The following PADI4 variants were observed in gnomAD, a reference collection of about 807,000 sequenced individuals.
The protein encoded by PADI4 is protein-arginine deiminase type-4.
PADI4 carries 62 observed loss-of-function variants against 75.0 expected under a neutral mutation model. The ratio of observed to expected loss-of-function variants is 0.83; its 90% CI spans 0.67 to 1.02. The LOEUF is 1.02. Ranked by LOEUF, PADI4 falls within the 50% of genes least tolerant of loss-of-function variation. The pLI is 0.00. For missense variants in PADI4, 845 were observed against 850.5 expected, an observed-to-expected ratio of 0.99 and a Z score of 0.08; for synonymous variants, 361 against 348.1, an observed-to-expected ratio of 1.04 and a Z score of -0.41.
At chr1:17,317,758 C>T (rs960009648) in intron 1 of PADI4, among the ~76,000 whole-genome samples, 13 of 152,106 alleles carry the variant, frequency 8.5e-5, no homozygotes, top group African/African-American at 2.4e-4. Flanking sequence ...CTGTGGCTTG[C>T]GCCTGTAATC....
chr1:17,327,598 G>C (rs899295573), intron 1 of PADI4, among the ~76,000 whole-genome samples: 5 of 151,322 alleles, frequency 3.3e-5, no homozygotes, highest in Non-Finnish European at 5.9e-5. Flanking sequence ...CTGGAGTACA[G>C]TGGCGTGATC....
chr1:17,340,078 A>C (rs933543551), intron 6 of PADI4, among the ~76,000 whole-genome samples: 17 of 148,836 alleles, frequency 1.1e-4, no homozygotes, highest in South Asian at 4.3e-4. Context: ...ACACACACAC[A>C]CCTCCTGGTT....
intron 1 of PADI4, among the ~76,000 whole-genome samples, chr1:17,325,906 G>A (rs759642150): frequency 4.9e-4 from 75 of 152,024 alleles, no homozygotes; most frequent in Non-Finnish European, 8.5e-4. Flanking sequence ...GTTTTGCCAC[G>A]TTGGCCAGGC....
chr1:17,362,008 A>G (rs2100264273), intron 15 of PADI4, among the ~76,000 whole-genome samples: 1 of 152,254 alleles, frequency 6.6e-6, no homozygotes, highest in East Asian at 1.9e-4. Flanking sequence ...CTGGGCCCTG[A>G]GTAATAGAAA....
At chr1:17,354,312 C>T (rs3094881) in intron 10 of PADI4, among the ~76,000 whole-genome samples, 4,700 of 152,192 alleles carry the variant, frequency 0.031, 98 homozygotes, top group Non-Finnish European at 0.04. Flanking sequence ...GCAGCTGGCA[C>T]GCTTTAGGGA....
At chr1:17,345,975 G>C (rs758094491) in intron 8 of PADI4, 53 bp from the exon 9 acceptor site, 1 of 1,223,890 alleles carries the variant, frequency 8.2e-7, no homozygotes, top group Non-Finnish European at 1.2e-6. Flanking sequence ...AATCCTTCCA[G>C]GCTGAGCTTC....
chr1:17,352,167 A>AGAGGCAGTAGGAGAGGCAATCAGG (rs2074668233), intron 10 of PADI4, among the ~76,000 whole-genome samples: 3 of 74,980 alleles, frequency 4.0e-5, no homozygotes, highest in African/African-American at 1.7e-4. Context: ...GGAGGTGATG[A>AGAGGCAGTAGGAGAGGCAATCAGG]GAGGTGGTAG....
At chr1:17,313,498 CAAAA>C (rs71014933) in intron 1 of PADI4, among the ~76,000 whole-genome samples, 7 of 68,418 alleles carry the variant, frequency 1.0e-4, no homozygotes, top group South Asian at 7.5e-4. Context: ...AAGACCTTGT[CAAAA>C]AAAAAAAAAA....
intron 1 of PADI4, among the ~76,000 whole-genome samples, chr1:17,318,988 T>C (rs893625860): frequency 2.7e-5 from 4 of 150,408 alleles, no homozygotes; most frequent in African/African-American, 9.8e-5. Context: ...GCGCCCAGCC[T>C]TTTTTTTTCC....
chr1:17,332,202 G>A (rs12033604), intron 2 of PADI4, among the ~76,000 whole-genome samples: 5 of 151,852 alleles, frequency 3.3e-5, no homozygotes, highest in African/African-American at 7.3e-5. Flanking sequence ...GCCATGGGAT[G>A]TGGGGCCCAG....
At chr1:17,323,737 A>C (rs112797936) in intron 1 of PADI4, among the ~76,000 whole-genome samples, 2 of 151,964 alleles carry the variant, frequency 1.3e-5, no homozygotes, top group Admixed American at 1.3e-4. Context: ...GGAGGCTGAG[A>C]TGAGAGGCTA....
Position 17,324,150 on chromosome 1 carries a change from T to G in PADI4, c.93-6819T>G, listed in dbSNP as rs1484900148. On this transcript the variant is annotated intron_variant, in intron 1 of 15. Transcript: ENST00000375448. ...TGGCTAATAACACCAAGTTGGGTTT[T>G]TTTTGTTTTTTTTTTTTTGCAAAAT... is the stretch of plus-strand genomic sequence containing the variant. 5.6e-5 allele frequency among the ~76,000 whole-genome samples: 8 copies of G among 142,908 alleles called. No homozygotes were observed. The East Asian group carries it at 1.0e-3, about 18-fold the overall frequency. 93.8% of individuals were successfully genotyped at this position (142,908 alleles called of 152,430 possible). A position where few individuals can be genotyped will look rare whatever the true frequency, so the allele number is the denominator to read the frequency against.
intron 1 of PADI4, among the ~76,000 whole-genome samples, chr1:17,317,168 C>T (rs72633840): frequency 1.1e-3 from 167 of 152,286 alleles, no homozygotes; most frequent in Non-Finnish European, 2.0e-3. Context: ...TCAAGCAATC[C>T]ACTTGCCTCA....
intron 2 of PADI4, among the ~76,000 whole-genome samples, chr1:17,331,973 C>A (rs1279291945): frequency 6.6e-6 from 1 of 152,162 alleles, no homozygotes; most frequent in Non-Finnish European, 1.5e-5. Flanking sequence ...AGAAGTGTAT[C>A]CTCTCACTGT....
Position 17,324,951 on chromosome 1 carries a change from T to C in PADI4, c.93-6018T>C, listed in dbSNP as rs561338186. 1.4e-4 allele frequency among the ~76,000 whole-genome samples: 21 copies of C among 152,390 alleles called. No homozygotes were observed. The East Asian group carries it at 3.7e-3, about 27-fold the overall frequency. Reference sequence around the variant, plus strand: ...GTCATAGATCAAGTTGTATGTCCTTTAAGTTTTATCCTTCCTTTGTCTTGG... The same window carrying C: ...GTCATAGATCAAGTTGTATGTCCTTCAAGTTTTATCCTTCCTTTGTCTTGG... On this transcript the variant is annotated intron_variant, in intron 1 of 15. Transcript: ENST00000375448.
intron 9 of PADI4, 149 bp from the exon 10 acceptor site, chr1:17,347,792 G>A (rs1349741931): frequency 1.5e-5 from 7 of 480,594 alleles, no homozygotes; most frequent in Non-Finnish European, 2.2e-5. Context: ...CCGCTTCTGA[G>A]CCCCTTCTCT....
chr1:17,338,894 T>C (rs2100729347), intron 5 of PADI4, among the ~76,000 whole-genome samples: 1 of 152,326 alleles, frequency 6.6e-6, no homozygotes, highest in Middle Eastern at 3.4e-3. Flanking sequence ...TATTTTCAAG[T>C]TGCATGTAGT....
In PADI4 at chr1:17,356,056, C is replaced by T. The variant is rs139847062; in HGVS notation, c.1384C>T (p.Leu462Phe). Residue 462 changes from leucine to phenylalanine, a missense_variant, in exon 12 of 16, where the codon CTC becomes TTC. Coordinates refer to ENST00000375448, the MANE Select transcript of PADI4 (RefSeq NM_012387.3). The surrounding 1 kb of genome is among the most constrained non-coding windows in gnomAD (Gnocchi z 4.1). ...SAQQVQAPVK[L>F]YSDWLSVGHV... ...CCAGCAGGTGCAGGCCCCTGTGAAGCTCTATTCTGACTGGCTGTCCGTGGG... is the reference window on the plus strand; with the variant it reads ...CCAGCAGGTGCAGGCCCCTGTGAAGTTCTATTCTGACTGGCTGTCCGTGGG... 1.9e-5 allele frequency: 30 copies of T among 1,614,036 alleles called. No individual in the cohort carries two copies. The African/African-American group carries it at 4.0e-4, about 22-fold the overall frequency.
chr1:17,334,307 A>AC (rs1553145739), intron 3 of PADI4: 1 of 343,014 alleles, frequency 2.9e-6, no homozygotes, highest in Non-Finnish European at 6.0e-6. Flanking sequence ...ATCTCCATTA[A>AC]TTTTTTTTTT....
Sources: allele counts gnomAD v4.1 joint callset (sites outside exome capture counted in the v4.1 genomes callset), GRCh38; gene constraint gnomAD v4.1.1; non-coding constraint Gnocchi (gnomAD v3.1); transcripts MANE v1.5; gene names NCBI Gene and HGNC (gene_info 2026-07-23, HGNC 2026-07-21).